SGCD: variants seen among roughly 807,000 people sequenced by gnomAD.
SGCD encodes the protein delta-sarcoglycan.
A neutral mutation model predicts 36.6 loss-of-function variants in SGCD; 18 were observed. The observed-to-expected ratio is 0.49, with a 90% CI of 0.34 to 0.73. The LOEUF is 0.73. SGCD is among the 30% of genes least tolerant of loss of function. The pLI is 0.01. For synonymous variants in SGCD, 133 were observed against 130.6 expected (o/e 1.02, Z -0.12); for missense variants, 387 against 346.7 (o/e 1.12, Z -0.92).
intron 1 of SGCD, among the ~76,000 whole-genome samples, chr5:155,955,418 T>C (rs1242217661): frequency 6.6e-6 from 1 of 152,168 alleles, no homozygotes; most frequent in Non-Finnish European, 1.5e-5. Context: ...TGGCTTATAG[T>C]TAATCATATA....
At chr5:156,303,834 G>C (rs1352565152) in intron 3 of SGCD, among the ~76,000 whole-genome samples, 1 of 151,706 alleles carries the variant, frequency 6.6e-6, no homozygotes, top group Admixed American at 6.6e-5. Context: ...TAGTATCTAA[G>C]TTGCAAGGCA....
chr5:155,910,725 G>T, intron 1 of SGCD, among the ~76,000 whole-genome samples: 1 of 152,092 alleles, frequency 6.6e-6, no homozygotes, highest in East Asian at 1.9e-4. Context: ...TAACTAATTT[G>T]TCACTTGGTA....
chr5:155,870,826 C>T (rs1474680113), intron 1 of SGCD, among the ~76,000 whole-genome samples: 2 of 152,124 alleles, frequency 1.3e-5, no homozygotes, highest in Non-Finnish European at 2.9e-5. Context: ...GCAGGTGACC[C>T]TTGCTCCGTC....
intron 1 of SGCD, among the ~76,000 whole-genome samples, chr5:156,109,065 A>G (rs1036547341): frequency 5.9e-5 from 9 of 152,152 alleles, no homozygotes; most frequent in East Asian, 3.8e-4. Context: ...AGTATTCCCA[A>G]TATGGCTCCT....
chr5:156,026,033 A>G (rs1759219747), intron 1 of SGCD, among the ~76,000 whole-genome samples: 1 of 152,338 alleles, frequency 6.6e-6, no homozygotes, highest in Non-Finnish European at 1.5e-5. Flanking sequence ...GGCTCTAGTC[A>G]GCTATTGTTA....
chr5:156,047,228 G>A lies in SGCD; in HGVS notation c.-281-70650G>A, dbSNP rs77310557. 8.4e-4 allele frequency among the ~76,000 whole-genome samples: 128 copies of A among 152,270 alleles called. 3 individuals carry two copies. In the East Asian group the frequency reaches 0.024, roughly 29 times the overall value. On this transcript the variant is annotated intron_variant, in intron 1 of 9. Transcript: ENST00000517913. Reference sequence around the variant, plus strand: ...AAGAAACCAACTCCATCACATAAGAGTGCAGAGTGAAGCAGCAAGTGTTGA... The same window carrying A: ...AAGAAACCAACTCCATCACATAAGAATGCAGAGTGAAGCAGCAAGTGTTGA...
chr5:156,164,649 G>A (rs1417305616), intron 3 of SGCD, among the ~76,000 whole-genome samples: 2 of 152,148 alleles, frequency 1.3e-5, no homozygotes, highest in Non-Finnish European at 2.9e-5. Context: ...ATTTTATTTC[G>A]AAGTGAGTAT....
chr5:156,311,707 T>G (rs1767394238), intron 3 of SGCD, among the ~76,000 whole-genome samples: 1 of 152,132 alleles, frequency 6.6e-6, no homozygotes, highest in African/African-American at 2.4e-5. Flanking sequence ...GTATTTAAGT[T>G]CTATACAATG....
chr5:156,114,455 C>T (rs1173458907), intron 1 of SGCD, among the ~76,000 whole-genome samples: 1 of 151,980 alleles, frequency 6.6e-6, no homozygotes, highest in African/African-American at 2.4e-5. Flanking sequence ...TGTGGTTTTA[C>T]TGGGATCATA....
intron 6 of SGCD, among the ~76,000 whole-genome samples, chr5:156,608,801 G>A (rs1761621193): frequency 6.6e-6 from 1 of 151,982 alleles, no homozygotes; most frequent in African/African-American, 2.4e-5. Context: ...TTATGTAATG[G>A]CCTTCTTTGT....
At chr5:155,753,770 A>T in the SGCD span, among the ~76,000 whole-genome samples, 1 of 151,858 alleles carries the variant, frequency 6.6e-6, no homozygotes, top group East Asian at 1.9e-4. Flanking sequence ...TAGGGTTCCC[A>T]GGTGTGCCTC....
intron 1 of SGCD, among the ~76,000 whole-genome samples, chr5:156,073,129 A>T (rs1233722919): frequency 6.6e-6 from 1 of 152,180 alleles, no homozygotes; most frequent in Non-Finnish European, 1.5e-5. Flanking sequence ...TATGGCCATT[A>T]TGACCCACCT....
At chr5:156,344,793 A>G (rs1768863538) in intron 3 of SGCD, 116 bp downstream of exon 3, 1 of 714,432 alleles carries the variant, frequency 1.4e-6, no homozygotes, top group South Asian at 2.1e-5. Context: ...AAAATCTGTA[A>G]CCTCGTGTTT....
At chr5:155,833,621 A>G in the SGCD span, among the ~76,000 whole-genome samples, 55 of 152,194 alleles carry the variant, frequency 3.6e-4, no homozygotes, top group Non-Finnish European at 6.8e-4. Context: ...AGGGGGGAAA[A>G]GTCTATCTGT....
At chr5:156,187,431 T>C (rs1013905906) in intron 3 of SGCD, among the ~76,000 whole-genome samples, 2 of 152,082 alleles carry the variant, frequency 1.3e-5, no homozygotes, top group African/African-American at 2.4e-5. Flanking sequence ...AGTTTTCTTT[T>C]GGCTAGAATG....
intron 1 of SGCD, among the ~76,000 whole-genome samples, chr5:155,968,837 C>T (rs987665420): frequency 6.6e-6 from 1 of 151,992 alleles, no homozygotes; most frequent in Admixed American, 6.6e-5. Context: ...GGTGTGTCTT[C>T]CAGATATTTT....
chr5:156,034,001 A>C (rs1759425508), intron 1 of SGCD, among the ~76,000 whole-genome samples: 1 of 152,132 alleles, frequency 6.6e-6, no homozygotes. Context: ...AACCAAAATG[A>C]ACTGCTGTAA....
chr5:156,644,926 ATTT>A, intron 6 of SGCD, among the ~76,000 whole-genome samples: 2 of 146,334 alleles, frequency 1.4e-5, no homozygotes, highest in Admixed American at 6.8e-5. Flanking sequence ...TGCATTTGAG[ATTT>A]TTTTTTTTTT....
the SGCD span, among the ~76,000 whole-genome samples, chr5:155,769,124 T>C: frequency 2.0e-5 from 3 of 152,088 alleles, no homozygotes; most frequent in African/African-American, 4.8e-5. Flanking sequence ...GGAGAATTAT[T>C]CATAATATAT....
Sources: allele counts gnomAD v4.1 joint callset (sites outside exome capture counted in the v4.1 genomes callset), GRCh38; gene constraint gnomAD v4.1.1; transcripts MANE v1.5; gene names NCBI Gene and HGNC (gene_info 2026-07-23, HGNC 2026-07-21).